Variants in SLC41A2 observed in about 807,000 individuals in gnomAD.
SLC41A2 encodes the protein solute carrier family 41 member 2, also known as SLC41A1-like 1.
A neutral mutation model predicts 58.3 loss-of-function variants in SLC41A2; 32 were observed. That is an observed-to-expected ratio of 0.55 (90% CI 0.41 to 0.74). SLC41A2 has a LOEUF of 0.74. Among genes scored for constraint, SLC41A2 ranks in the 30% least tolerant of loss-of-function variants. The pLI is 0.00. For missense variants in SLC41A2, 514 were observed against 680.6 expected, an observed-to-expected ratio of 0.76 and a Z score of 2.72; for synonymous variants, 190 against 235.0, an observed-to-expected ratio of 0.81 and a Z score of 1.75.
intron 8 of SLC41A2, 60 bp downstream of exon 8, chr12:104,861,231 C>T (rs1407793638): frequency 1.6e-6 from 2 of 1,275,248 alleles, no homozygotes; most frequent in East Asian, 4.9e-5. Context: ...CTAATAGTAC[C>T]TAAGACTAAG....
At chr12:104,922,040 A>G (rs1336754950) in intron 2 of SLC41A2, among the ~76,000 whole-genome samples, 1 of 152,216 alleles carries the variant, frequency 6.6e-6, no homozygotes, top group African/African-American at 2.4e-5. Context: ...ACTAAAAATA[A>G]AAAGCAGCAA....
intron 6 of SLC41A2, among the ~76,000 whole-genome samples, chr12:104,875,166 T>C (rs1469173863): frequency 1.3e-5 from 2 of 152,370 alleles, no homozygotes; most frequent in South Asian, 4.1e-4. Context: ...CACTTGGTCA[T>C]GATGTATAAT....
chr12:104,844,804 A>G (rs2042543690), intron 9 of SLC41A2, among the ~76,000 whole-genome samples, 184 bp from the exon 10 acceptor site: 2 of 152,180 alleles, frequency 1.3e-5, no homozygotes, highest in Admixed American at 1.3e-4. Flanking sequence ...TTTCCACTAT[A>G]TATGTTAATT....
intron 6 of SLC41A2, among the ~76,000 whole-genome samples, chr12:104,885,037 C>CT (rs58588444): frequency 0.013 from 1,951 of 148,188 alleles, 50 homozygotes; most frequent in African/African-American, 0.043. Flanking sequence ...ACTTCCTGTG[C>CT]TTTTTTTTTT....
intron 6 of SLC41A2, among the ~76,000 whole-genome samples, chr12:104,880,366 G>A (rs1156699988): frequency 6.6e-6 from 1 of 152,168 alleles, no homozygotes; most frequent in African/African-American, 2.4e-5. Context: ...AATAGGAGTG[G>A]TGAGAGAGGG....
rs561721171 is a variant in SLC41A2 at position 104,905,041 on chromosome 12, G to A, written c.663+4614C>T. Among the ~76,000 whole-genome samples, 12 of 152,108 alleles carry A rather than the reference G, an allele frequency of 7.9e-5. No individual in the cohort carries two copies. In the East Asian group the frequency reaches 2.3e-3, roughly 29 times the overall value. ...GAGTGGCCTGTTTTGTCAGGGCACT[G>A]ATTGGTGCGTTTACAATCCCTGAGC... On this transcript the variant is annotated intron_variant, in intron 3 of 10. Coordinates refer to ENST00000258538, the MANE Select transcript of SLC41A2 (RefSeq NM_001352171.3).
intron 3 of SLC41A2, among the ~76,000 whole-genome samples, chr12:104,905,504 C>A (rs1167351599): frequency 6.6e-5 from 10 of 152,248 alleles, no homozygotes; most frequent in Admixed American, 2.6e-4. Flanking sequence ...GTCCTGCACC[C>A]TGTGCTCGCA....
chr12:104,834,926 GA>G (rs1189791790), intron 10 of SLC41A2, among the ~76,000 whole-genome samples: 1 of 152,060 alleles, frequency 6.6e-6, no homozygotes. Flanking sequence ...TCCTTATCTA[GA>G]AAAGTGACTC....
intron 10 of SLC41A2, among the ~76,000 whole-genome samples, chr12:104,824,456 G>A (rs1186372692): frequency 1.3e-5 from 2 of 152,256 alleles, no homozygotes; most frequent in African/African-American, 4.8e-5. Context: ...GACTCCAGGG[G>A]AAAACCATCT....
chr12:104,912,487 G>A (rs2046128421), intron 2 of SLC41A2, among the ~76,000 whole-genome samples: 1 of 152,170 alleles, frequency 6.6e-6, no homozygotes. Context: ...ACTTGGTTTG[G>A]AGAGTTTCCA....
intron 4 of SLC41A2, among the ~76,000 whole-genome samples, chr12:104,890,795 T>C (rs12296700): frequency 0.052 from 7,923 of 152,244 alleles, 457 homozygotes; most frequent in African/African-American, 0.15. Flanking sequence ...TACTTATGTA[T>C]GTATTTGGTC....
chr12:104,881,577 C>T (rs547226100), intron 6 of SLC41A2, among the ~76,000 whole-genome samples: 17 of 152,234 alleles, frequency 1.1e-4, no homozygotes, highest in African/African-American at 1.7e-4. Flanking sequence ...GTTATTTACC[C>T]AGTAGTCATT....
intron 2 of SLC41A2, among the ~76,000 whole-genome samples, chr12:104,913,275 T>G (rs1169952408): frequency 6.6e-6 from 1 of 152,198 alleles, no homozygotes; most frequent in Non-Finnish European, 1.5e-5. Context: ...AACTGAGTTC[T>G]CGGCCAGGAC....
At chr12:104,901,006 A>G (rs58605097) in intron 3 of SLC41A2, among the ~76,000 whole-genome samples, 1,885 of 152,250 alleles carry the variant, frequency 0.012, 51 homozygotes, top group African/African-American at 0.043. Flanking sequence ...CTTGGCATAG[A>G]GTAAGGGCTC....
chr12:104,919,217 A>G (rs2046473141), intron 2 of SLC41A2, among the ~76,000 whole-genome samples: 2 of 152,326 alleles, frequency 1.3e-5, no homozygotes, highest in Non-Finnish European at 2.9e-5. Context: ...GTATTCCATC[A>G]TATGAATTTA....
chr12:104,918,413 G>A (rs993921448), intron 2 of SLC41A2, among the ~76,000 whole-genome samples: 4 of 151,944 alleles, frequency 2.6e-5, no homozygotes, highest in Non-Finnish European at 5.9e-5. Flanking sequence ...AAGGTAACTC[G>A]GCAGATTAAT....
chr12:104,839,652 C>T (rs981682236), intron 10 of SLC41A2, among the ~76,000 whole-genome samples: 12 of 151,924 alleles, frequency 7.9e-5, no homozygotes, highest in Non-Finnish European at 8.8e-5. Context: ...TACAGGCGTG[C>T]ACCACCACGC....
chr12:104,894,352 CAA>C (rs755400420), intron 4 of SLC41A2, among the ~76,000 whole-genome samples: 1 of 110,304 alleles, frequency 9.1e-6, no homozygotes. Context: ...GACCCTGCCT[CAA>C]AAAAAAAAAA....
chr12:104,876,224 G>C (rs1483481139), intron 6 of SLC41A2, among the ~76,000 whole-genome samples: 1 of 151,806 alleles, frequency 6.6e-6, no homozygotes, highest in Non-Finnish European at 1.5e-5. Context: ...ACTAAGTTTT[G>C]TTAATGTATT....
Sources: gnomAD v4.1 joint callset for allele counts (sites outside exome capture counted in the v4.1 genomes callset) on GRCh38, gnomAD v4.1.1 for gene constraint, MANE v1.5 for transcripts, NCBI Gene and HGNC (gene_info 2026-07-23, HGNC 2026-07-21) for gene names.